TNS3: variants seen among roughly 807,000 people sequenced by gnomAD.
TNS3 encodes the protein tensin-3.
Under a neutral mutation model 140.9 loss-of-function variants are expected in TNS3, and 45 were observed. That is an observed-to-expected ratio of 0.32 (90% CI 0.25 to 0.41). TNS3 has a LOEUF of 0.41. Ranked by LOEUF, TNS3 falls within the 10% of genes least tolerant of loss-of-function variation. The pLI, the probability that TNS3 is intolerant of heterozygous loss-of-function variation, is 1.00. For missense variants in TNS3, 1,716 were observed against 1,906.7 expected (o/e 0.90, Z 1.86); for synonymous variants, 815 against 788.4 (o/e 1.03, Z -0.56).
chr7:47,334,344 C>T (rs145231297), intron 20 of TNS3, among the ~76,000 whole-genome samples: 330 of 152,294 alleles, frequency 2.2e-3, no homozygotes, highest in Middle Eastern at 0.014. Flanking sequence ...TAAAGGCATC[C>T]TCTTGAAGTA....
rs1466132448 is a variant in TNS3, at chr7:47,277,946, C to A, written c.*130G>T. On this transcript the variant is annotated 3_prime_UTR_variant, in exon 31 of 31. Transcript: ENST00000311160. Reference sequence around the variant, plus strand: ...TCTTGTTTTTGCAGAGCTGGAAGATCCTCTTTCCCCTCATGGGCCTGGAAT... The same window carrying A: ...TCTTGTTTTTGCAGAGCTGGAAGATACTCTTTCCCCTCATGGGCCTGGAAT... 1 of 1,031,552 alleles carries A rather than the reference C, an allele frequency of 9.7e-7. No homozygotes were observed. Among genetic ancestry groups the A allele is most frequent in the Non-Finnish European group, 1.5e-6 (1 of 671,086 alleles). 63.9% of individuals were successfully genotyped at this position (1,031,552 alleles called of 1,614,324 possible).
At chr7:47,440,279 C>G (rs1009291688) in intron 5 of TNS3, among the ~76,000 whole-genome samples, 1 of 152,072 alleles carries the variant, frequency 6.6e-6, no homozygotes, top group Admixed American at 6.5e-5. Context: ...AGGGGACCAG[C>G]TGGGGCATAA....
rs200474998 is a variant in TNS3, at chr7:47,369,553, G to A, written c.1093C>T (p.Pro365Ser). Residue 365 changes from proline to serine, a missense_variant, in exon 17 of 31, where the codon CCT becomes TCT. This residue lies in a region of TNS3 where 1,163 missense variants were observed against 1,182.1 expected (regional missense o/e 0.98). Transcript: ENST00000311160. ...AKVRKKSSSD[P>S]GIPGGPQAIP... ...GCCTGGGGGCCACCTGGGATGCCAG[G>A]ATCCGAGGAGCTTTTCTTCCTCACC... 2.9e-5 allele frequency: 47 copies of A among 1,612,176 alleles called. No individual in the cohort carries two copies. The Middle Eastern group carries it at 5.0e-4, about 17-fold the overall frequency.
At chr7:47,465,925 AAAATAAATAAAT>A (rs373640446) in intron 4 of TNS3, among the ~76,000 whole-genome samples, 8 of 150,484 alleles carry the variant, frequency 5.3e-5, no homozygotes, top group South Asian at 2.1e-4. Context: ...ACTCCGTCTA[AAAATAAATAAAT>A]AAATAAATAA....
intron 16 of TNS3, among the ~76,000 whole-genome samples, chr7:47,376,726 GACACAC>G (rs148067728): frequency 6.2e-5 from 9 of 144,354 alleles, no homozygotes; most frequent in East Asian, 4.1e-4. Context: ...TCTAGATCAA[GACACAC>G]ACACACACAC....
At chr7:47,441,333 C>G (rs1182418331) in intron 5 of TNS3, among the ~76,000 whole-genome samples, 10 of 152,136 alleles carry the variant, frequency 6.6e-5, no homozygotes. Flanking sequence ...CATGCGCTAT[C>G]ACACCCAGCT....
intron 17 of TNS3, among the ~76,000 whole-genome samples, chr7:47,365,457 A>T (rs1378274232): frequency 6.6e-6 from 1 of 151,424 alleles, no homozygotes; most frequent in Admixed American, 6.6e-5. Context: ...AAAAAAAAAA[A>T]AAGTGTTCTC....
intron 1 of TNS3, among the ~76,000 whole-genome samples, chr7:47,530,850 T>TATATATATATATAA (rs1799379417): frequency 9.0e-6 from 1 of 111,364 alleles, no homozygotes; most frequent in South Asian, 3.1e-4. Flanking sequence ...TATATATATA[T>TATATATATATATAA]ATATATATTT....
chr7:47,371,624 A>T (rs1243154787), intron 16 of TNS3, among the ~76,000 whole-genome samples: 1 of 152,244 alleles, frequency 6.6e-6, no homozygotes, highest in Admixed American at 6.5e-5. Context: ...CTAGGCAGAG[A>T]CTAAAAAACC....
intron 20 of TNS3, among the ~76,000 whole-genome samples, chr7:47,311,191 A>G (rs1787069830): frequency 6.6e-6 from 1 of 152,216 alleles, no homozygotes; most frequent in South Asian, 2.1e-4. Flanking sequence ...CCAACAGTGT[A>G]TAAGTGTTCC....
chr7:47,396,708 T>G, intron 16 of TNS3, 92 bp downstream of exon 16: 1 of 1,093,958 alleles, frequency 9.1e-7, no homozygotes, highest in South Asian at 1.3e-5. Context: ...TTTTTTCTTC[T>G]TAGCAGACTG....
At chr7:47,552,695 T>G (rs545334014) in intron 1 of TNS3, among the ~76,000 whole-genome samples, 1 of 152,292 alleles carries the variant, frequency 6.6e-6, no homozygotes, top group Admixed American at 6.5e-5. Context: ...GCTCTTTCCC[T>G]CTCCTCGGAC....
At chr7:47,372,841 G>C (rs1791155707) in intron 16 of TNS3, among the ~76,000 whole-genome samples, 2 of 152,180 alleles carry the variant, frequency 1.3e-5, no homozygotes, top group African/African-American at 4.8e-5. Context: ...TACATACATA[G>C]GTAGTTTTCT....
chr7:47,446,869 T>TC (rs940999265), intron 4 of TNS3, among the ~76,000 whole-genome samples: 38 of 151,424 alleles, frequency 2.5e-4, no homozygotes, highest in Non-Finnish European at 4.0e-4. Flanking sequence ...ATTTTTGTTT[T>TC]TTTTTTGTAG....
At chr7:47,347,302 C>T (rs1290643824) in intron 17 of TNS3, among the ~76,000 whole-genome samples, 1 of 152,126 alleles carries the variant, frequency 6.6e-6, no homozygotes, top group African/African-American at 2.4e-5. Flanking sequence ...TTGATGGCCA[C>T]CCTCCAAAAT....
chr7:47,411,823 T>C (rs769415313), intron 12 of TNS3, 21 bp from the exon 13 acceptor site: 13 of 1,608,948 alleles, frequency 8.1e-6, no homozygotes, highest in Non-Finnish European at 1.1e-5. Flanking sequence ...AAGAAGAAGG[T>C]AGATCATTAT....
intron 20 of TNS3, among the ~76,000 whole-genome samples, chr7:47,344,451 T>C (rs1433703183): frequency 6.6e-6 from 1 of 152,040 alleles, no homozygotes; most frequent in Non-Finnish European, 1.5e-5. Context: ...GCATTCTCGT[T>C]TCTTCAAAAG....
At chr7:47,319,903 C>T (rs539850772) in intron 20 of TNS3, among the ~76,000 whole-genome samples, 24 of 152,148 alleles carry the variant, frequency 1.6e-4, no homozygotes, top group Admixed American at 7.8e-4. Flanking sequence ...CCTAACCAGG[C>T]GTTGCCATCT....
intron 2 of TNS3, among the ~76,000 whole-genome samples, chr7:47,522,947 A>G (rs1799044425): frequency 6.9e-6 from 1 of 144,754 alleles, no homozygotes; most frequent in Admixed American, 7.0e-5. Context: ...AAGAGTTTCT[A>G]TTGTTTATTA....
Sources: gnomAD v4.1 joint callset for allele counts (sites outside exome capture counted in the v4.1 genomes callset) on GRCh38, gnomAD v4.1.1 for gene constraint, gnomAD v4.1.1 regional missense constraint, MANE v1.5 for transcripts, NCBI Gene and HGNC (gene_info 2026-07-23, HGNC 2026-07-21) for gene names.